The following DIO1 variants were observed in gnomAD, a reference collection of about 807,000 sequenced individuals.
DIO1 encodes type I iodothyronine deiodinase.
Under a neutral mutation model 25.9 loss-of-function variants are expected in DIO1, and 17 were observed. The ratio of observed to expected loss-of-function variants is 0.66; its 90% CI spans 0.45 to 0.98. The LOEUF is 0.98. Ranked by LOEUF, DIO1 falls within the 50% of genes least tolerant of loss-of-function variation. DIO1 has a pLI of 0.00. For missense variants in DIO1, 270 were observed against 310.4 expected, an observed-to-expected ratio of 0.87 and a Z score of 0.98; for synonymous variants, 115 against 114.0, an observed-to-expected ratio of 1.01 and a Z score of -0.05.
chr1:53,905,987 A>G, intron 2 of DIO1, 108 bp from the exon 3 acceptor site: 1 of 1,029,130 alleles, frequency 9.7e-7, no homozygotes, highest in Non-Finnish European at 1.4e-6. Context: ...AGGCCAAATC[A>G]TTGCCAAGGG....
At chr1:53,895,286 G>A (rs1651015490) in intron 1 of DIO1, among the ~76,000 whole-genome samples, 1 of 152,158 alleles carries the variant, frequency 6.6e-6, no homozygotes, top group South Asian at 2.1e-4. Flanking sequence ...AGCCAGGCGT[G>A]GTGGTGTGCA....
intron 1 of DIO1, among the ~76,000 whole-genome samples, chr1:53,895,176 G>A (rs1651009046): frequency 6.6e-6 from 1 of 152,150 alleles, no homozygotes; most frequent in Admixed American, 6.5e-5. Flanking sequence ...TGTAATCCCG[G>A]CACTTTGGGA....
intron 3 of DIO1, 55 bp downstream of exon 3, chr1:53,906,349 A>T: frequency 6.7e-7 from 1 of 1,486,444 alleles, no homozygotes. Context: ...AGGGAGGGCA[A>T]GGGCAAAGAG....
Position 53,894,195 on chromosome 1 carries a change from C to T in DIO1, c.-16C>T. On this transcript the variant is annotated 5_prime_UTR_variant, in exon 1 of 4. Coordinates refer to ENST00000361921, the MANE Select transcript of DIO1 (RefSeq NM_000792.7). The surrounding 1 kb of genome is among the most constrained non-coding windows in gnomAD (Gnocchi z 4.9). Reference sequence around the variant, plus strand: ...CTCTGCCCATAGAACTCAGAGCTTACTCTGGCTTTGCCGAGATGGGGCTGC... The same window carrying T: ...CTCTGCCCATAGAACTCAGAGCTTATTCTGGCTTTGCCGAGATGGGGCTGC... 6.2e-7 allele frequency: 1 copy of T among 1,605,470 alleles called. No homozygotes were observed.
chr1:53,894,567 C>A lies in DIO1; in HGVS notation c.337+20C>A, dbSNP rs76000376. ...TGCAAGGTCAGGAGGCTGCCACACACTTGAGGGGTGCTTGAAATAGCAGTG... is the reference window on the plus strand; with the variant it reads ...TGCAAGGTCAGGAGGCTGCCACACAATTGAGGGGTGCTTGAAATAGCAGTG... On this transcript the variant is annotated intron_variant, in intron 1 of 3. Transcript: ENST00000361921. The surrounding 1 kb of genome is among the most constrained non-coding windows in gnomAD (Gnocchi z 4.9). 5.5e-4 allele frequency: 874 copies of A among 1,594,542 alleles called. 4 individuals are homozygous for A. In the African/African-American group the frequency reaches 0.01, roughly 19 times the overall value.
chr1:53,905,165 ATTTT>A (rs1194459720), intron 2 of DIO1, among the ~76,000 whole-genome samples: 2 of 119,010 alleles, frequency 1.7e-5, no homozygotes. Context: ...CCTTATGGCT[ATTTT>A]TTTTTTTTTT....
intron 1 of DIO1, among the ~76,000 whole-genome samples, chr1:53,895,594 A>C (rs1430802334): frequency 6.6e-6 from 1 of 152,058 alleles, no homozygotes; most frequent in African/African-American, 2.4e-5. Flanking sequence ...CAGCCAGCCC[A>C]GCTTGTGAAT....
intron 1 of DIO1, among the ~76,000 whole-genome samples, chr1:53,904,425 C>T (rs1215753056): frequency 6.6e-6 from 1 of 152,112 alleles, no homozygotes; most frequent in African/African-American, 2.4e-5. Flanking sequence ...TGCTATGCGG[C>T]AACTGCAGGT....
intron 1 of DIO1, among the ~76,000 whole-genome samples, chr1:53,903,889 CT>C (rs1651507538): frequency 6.6e-6 from 1 of 151,910 alleles, no homozygotes; most frequent in South Asian, 2.1e-4. Flanking sequence ...TTTAATGGCA[CT>C]TTCCCCCACT....
intron 2 of DIO1, among the ~76,000 whole-genome samples, chr1:53,905,172 T>C (rs1651588645): frequency 6.8e-6 from 1 of 147,570 alleles, no homozygotes; most frequent in East Asian, 1.9e-4. Context: ...GCTATTTTTT[T>C]TTTTTTTTTT....
At chr1:53,905,367 G>A (rs1240804587) in intron 2 of DIO1, among the ~76,000 whole-genome samples, 3 of 151,924 alleles carry the variant, frequency 2.0e-5, no homozygotes, top group African/African-American at 7.3e-5. Context: ...TAGAAACAGA[G>A]TTTCACCATG....
intron 3 of DIO1, among the ~76,000 whole-genome samples, chr1:53,908,753 C>T (rs189968142): frequency 1.8e-4 from 28 of 152,176 alleles, no homozygotes; most frequent in Admixed American, 3.3e-4. Context: ...CATCTTAGGG[C>T]AAAGGAGAGC....
chr1:53,900,841 G>T (rs1486308071), intron 1 of DIO1, among the ~76,000 whole-genome samples: 1 of 152,112 alleles, frequency 6.6e-6, no homozygotes, highest in South Asian at 2.1e-4. Flanking sequence ...TAGAGACAGG[G>T]TCTCATTCTG....
chr1:53,904,492 C>T (rs528705332), intron 1 of DIO1, among the ~76,000 whole-genome samples, 174 bp from the exon 2 acceptor site: 2 of 152,302 alleles, frequency 1.3e-5, no homozygotes, highest in South Asian at 4.1e-4. Context: ...AAACCAGCTC[C>T]AGCCCCTGCT....
At chr1:53,903,879 T>C (rs929820004) in intron 1 of DIO1, among the ~76,000 whole-genome samples, 2 of 151,934 alleles carry the variant, frequency 1.3e-5, no homozygotes, top group African/African-American at 4.9e-5. Context: ...TTTTAATAAA[T>C]TTAATGGCAC....
chr1:53,905,131 A>ATCT lies in DIO1; in HGVS notation c.481+322_481+323insTCT, dbSNP rs138609409. On this transcript the variant is annotated intron_variant, in intron 2 of 3. Coordinates refer to ENST00000361921, the MANE Select transcript of DIO1 (RefSeq NM_000792.7). ...ACACATTTACAAAGAATTCAGACCCAAAATGTCACAGGTGAAATGACGGCC... is the reference window on the plus strand; with the variant it reads ...ACACATTTACAAAGAATTCAGACCCATCTAAATGTCACAGGTGAAATGACGGCC... 1.5e-3 allele frequency among the ~76,000 whole-genome samples: 225 copies of ATCT among 152,198 alleles called. 3 individuals are homozygous for ATCT. The East Asian group carries it at 0.034, about 23-fold the overall frequency.
Position 53,910,009 on chromosome 1 carries a change from A to G in DIO1, c.*10A>G, listed in dbSNP as rs1286737084. ...AAAGCTCCACAGTTAATCTGGACAG[A>G]TACCTCAATTCTAGGTGACCAACGG... is the stretch of plus-strand genomic sequence containing the variant. On this transcript the variant is annotated 3_prime_UTR_variant, in exon 4 of 4. Transcript: ENST00000361921. The G allele has an allele frequency of 6.2e-7, 1 of 1,613,496 alleles. No homozygotes were observed. Among genetic ancestry groups the G allele is most frequent in the Admixed American group, 1.7e-5 (1 of 60,026 alleles).
intron 1 of DIO1, among the ~76,000 whole-genome samples, chr1:53,898,361 T>C (rs1226748111): frequency 6.6e-6 from 1 of 152,160 alleles, no homozygotes; most frequent in African/African-American, 2.4e-5. Flanking sequence ...GCCTTGTGTG[T>C]CGTAGCTGCA....
chr1:53,904,252 C>G (rs1000845038), intron 1 of DIO1, among the ~76,000 whole-genome samples: 3 of 152,206 alleles, frequency 2.0e-5, no homozygotes, highest in African/African-American at 7.2e-5. Context: ...CCTCACTGAC[C>G]TGCTGTGTGA....
Sources: allele counts gnomAD v4.1 joint callset (sites outside exome capture counted in the v4.1 genomes callset), GRCh38; gene constraint gnomAD v4.1.1; non-coding constraint Gnocchi (gnomAD v3.1); transcripts MANE v1.5; gene names NCBI Gene and HGNC (gene_info 2026-07-23, HGNC 2026-07-21).